ERBIN: variants seen among roughly 807,000 people sequenced by gnomAD.
The protein encoded by ERBIN is densin-180-like protein.
A neutral mutation model predicts 158.4 loss-of-function variants in ERBIN; 60 were observed. That is an observed-to-expected ratio of 0.38 (90% confidence interval 0.31 to 0.47). The LOEUF is 0.47. Ranked by LOEUF, ERBIN falls within the 20% of genes least tolerant of loss-of-function variation. The pLI is 0.99. For missense variants in ERBIN, 1,610 were observed against 1,648.0 expected, an observed-to-expected ratio of 0.98 and a Z score of 0.40; for synonymous variants, 594 against 557.2, an observed-to-expected ratio of 1.07 and a Z score of -0.93.
intron 21 of ERBIN, among the ~76,000 whole-genome samples, chr5:66,063,184 T>C (rs7717308): frequency 0.06 from 9,144 of 152,274 alleles, 970 homozygotes; most frequent in African/African-American, 0.21. Flanking sequence ...GTGGTGGGCT[T>C]CACCCAGTTC....
intron 1 of ERBIN, among the ~76,000 whole-genome samples, chr5:65,966,488 C>T (rs1466196669): frequency 1.3e-5 from 2 of 152,006 alleles, no homozygotes; most frequent in African/African-American, 4.8e-5. Flanking sequence ...TGAGATCAGC[C>T]TGACCAACAT....
intron 7 of ERBIN, among the ~76,000 whole-genome samples, chr5:66,020,367 T>C (rs969984834): frequency 6.6e-6 from 1 of 151,980 alleles, no homozygotes; most frequent in African/African-American, 2.4e-5. Context: ...TAGTCTGTGT[T>C]TTTCGTGCCG....
At chr5:65,997,167 C>T (rs1580296076) in intron 4 of ERBIN, among the ~76,000 whole-genome samples, 2 of 152,280 alleles carry the variant, frequency 1.3e-5, no homozygotes, top group East Asian at 3.9e-4. Flanking sequence ...CAGGAATAGG[C>T]ATCCTTGCCT....
chr5:66,023,198 G>T, intron 8 of ERBIN, 92 bp from the exon 9 acceptor site: 1 of 879,342 alleles, frequency 1.1e-6, no homozygotes, highest in Non-Finnish European at 1.9e-6. Context: ...GAAACTAAAG[G>T]TTATTAGAAA....
intron 1 of ERBIN, among the ~76,000 whole-genome samples, chr5:65,928,044 G>A (rs1398268375): frequency 3.3e-5 from 5 of 152,108 alleles, no homozygotes; most frequent in African/African-American, 1.2e-4. Flanking sequence ...GCTGTCTCAC[G>A]TAATGACCGG....
chr5:65,981,612 T>TC (rs1460713793), intron 1 of ERBIN, among the ~76,000 whole-genome samples: 1 of 151,890 alleles, frequency 6.6e-6, no homozygotes, highest in Non-Finnish European at 1.5e-5. Flanking sequence ...AAAAAGGAAA[T>TC]AACTATTTAA....
At chr5:66,040,167 T>C (rs1162012280) in intron 15 of ERBIN, among the ~76,000 whole-genome samples, 2 of 151,882 alleles carry the variant, frequency 1.3e-5, no homozygotes, top group Non-Finnish European at 2.9e-5. Context: ...CCAAAATAGA[T>C]GCTATTATCA....
chr5:65,942,358 T>A (rs1375464735), intron 1 of ERBIN, among the ~76,000 whole-genome samples: 1 of 152,214 alleles, frequency 6.6e-6, no homozygotes, highest in Non-Finnish European at 1.5e-5. Context: ...TTCTTTAGAA[T>A]AATACTATTT....
intron 1 of ERBIN, among the ~76,000 whole-genome samples, chr5:65,953,688 A>G (rs1282692812): frequency 6.6e-6 from 1 of 152,166 alleles, no homozygotes; most frequent in East Asian, 1.9e-4. Flanking sequence ...TACTTAACCC[A>G]CCCAAGTGAA....
At chr5:65,969,642 G>A (rs1024229924) in intron 1 of ERBIN, among the ~76,000 whole-genome samples, 1 of 152,086 alleles carries the variant, frequency 6.6e-6, no homozygotes, top group African/African-American at 2.4e-5. Context: ...TGTTATCTGG[G>A]AATTCCTTCT....
intron 2 of ERBIN, among the ~76,000 whole-genome samples, chr5:65,991,616 T>A (rs1308415937): frequency 6.6e-6 from 1 of 152,214 alleles, no homozygotes. Context: ...AAACTTTTAT[T>A]TCTTCAAGTT....
intron 22 of ERBIN, among the ~76,000 whole-genome samples, chr5:66,073,177 A>G (rs1212557038): frequency 1.3e-5 from 2 of 152,196 alleles, no homozygotes; most frequent in Non-Finnish European, 2.9e-5. Context: ...GGCAAGACCA[A>G]ATATTTGGTG....
intron 1 of ERBIN, among the ~76,000 whole-genome samples, chr5:65,940,888 G>A (rs1287445960): frequency 6.6e-6 from 1 of 152,094 alleles, no homozygotes; most frequent in African/African-American, 2.4e-5. Flanking sequence ...GGGAAAGGCG[G>A]GGAAAGGATT....
intron 5 of ERBIN, among the ~76,000 whole-genome samples, chr5:66,012,641 T>A (rs1754323628): frequency 6.6e-6 from 1 of 152,228 alleles, no homozygotes; most frequent in Non-Finnish European, 1.5e-5. Context: ...AAAGTTTTCC[T>A]GGCACCAAGG....
Position 66,044,314 on chromosome 5 carries a change from A to G in ERBIN, c.1602+4A>G, listed in dbSNP as rs1308284471. 1 of 1,579,134 alleles carries G rather than the reference A, an allele frequency of 6.3e-7. No individual in the cohort carries two copies. On this transcript the variant is annotated splice_donor_region_variant and intron_variant, in intron 17 of 25. Transcript: ENST00000284037. ...AAATAAAGATGTGGGTGTGAAGGTTAGAAAATTCAAAAGGATTAACCAAAG... is the reference window on the plus strand; with the variant it reads ...AAATAAAGATGTGGGTGTGAAGGTTGGAAAATTCAAAAGGATTAACCAAAG...
intron 4 of ERBIN, among the ~76,000 whole-genome samples, chr5:66,005,805 A>G (rs1753526541): frequency 6.6e-6 from 1 of 152,240 alleles, no homozygotes; most frequent in Non-Finnish European, 1.5e-5. Flanking sequence ...ATTGCTTCAA[A>G]GGGAATAAAA....
intron 1 of ERBIN, among the ~76,000 whole-genome samples, chr5:65,963,415 G>A (rs566731619): frequency 4.6e-5 from 7 of 152,132 alleles, no homozygotes; most frequent in Admixed American, 2.6e-4. Flanking sequence ...GGCCAACACC[G>A]TGAAACCCCG....
At chr5:65,945,415 G>C (rs1166426707) in intron 1 of ERBIN, among the ~76,000 whole-genome samples, 2 of 152,138 alleles carry the variant, frequency 1.3e-5, no homozygotes, top group East Asian at 1.9e-4. Context: ...CCTGTAATCT[G>C]CTTTTAAGTT....
At position 66,054,706 on chromosome 5, in the gene ERBIN, C is replaced by T. The variant is rs770718680; in HGVS notation, c.3388C>T (p.Arg1130Ter). Residue 1130 changes from arginine to a stop codon, truncating the protein, a stop_gained, in exon 21 of 26, where the codon CGA becomes TGA. Coordinates refer to ENST00000284037, the MANE Select transcript of ERBIN (RefSeq NM_001253697.2). LOFTEE classifies it high-confidence loss of function. ...MPGSQRPLSA[R>*]TYSIDGPNAS... ...AGGATCACAGAGACCCCTTTCTGCA[C>T]GAACATACAGCATAGATGGTCCAAA... 2 of 1,613,936 alleles carry T rather than the reference C, an allele frequency of 1.2e-6. No individual in the cohort carries two copies. Among genetic ancestry groups the T allele is most frequent in the Non-Finnish European group, 1.7e-6 (2 of 1,179,984 alleles).
Sources: gnomAD v4.1 joint callset for allele counts (sites outside exome capture counted in the v4.1 genomes callset) on GRCh38, gnomAD v4.1.1 for gene constraint, MANE v1.5 for transcripts, NCBI Gene and HGNC (gene_info 2026-07-23, HGNC 2026-07-21) for gene names.